The following RBFOX1 variants were observed in gnomAD, a reference collection of about 807,000 sequenced individuals.
The protein encoded by RBFOX1 is RNA binding fox-1 homolog 1, also known as RNA binding protein fox-1 homolog 1.
A neutral mutation model predicts 57.7 loss-of-function variants in RBFOX1; 8 were observed. The ratio of observed to expected loss-of-function variants is 0.14; its 90% CI spans 0.08 to 0.25. The LOEUF (loss-of-function observed/expected upper bound fraction) is 0.25, where lower values mean the gene tolerates loss of function less well. Ranked by LOEUF, RBFOX1 falls within the 10% of genes least tolerant of loss-of-function variation. The pLI is 1.00. For synonymous variants in RBFOX1, 326 were observed against 222.4 expected, an observed-to-expected ratio of 1.47 and a Z score of -4.15; for missense variants, 611 against 548.5, an observed-to-expected ratio of 1.11 and a Z score of -1.14.
intron 1 of RBFOX1, among the ~76,000 whole-genome samples, chr16:5,253,903 C>T (rs982005716): frequency 3.9e-5 from 6 of 152,210 alleles, no homozygotes; most frequent in African/African-American, 1.4e-4. Flanking sequence ...GTCACTACAT[C>T]CTCAGGGAAG....
chr16:6,598,799 A>G (rs917474871), intron 2 of RBFOX1, among the ~76,000 whole-genome samples: 2 of 152,034 alleles, frequency 1.3e-5, no homozygotes, highest in African/African-American at 4.8e-5. Context: ...TACAAAAATT[A>G]GCTGGGCATG....
intron 2 of RBFOX1, among the ~76,000 whole-genome samples, chr16:6,611,779 C>T (rs1044403905): frequency 8.5e-5 from 13 of 152,148 alleles, no homozygotes; most frequent in Admixed American, 8.5e-4. Flanking sequence ...TCTTCCCCTT[C>T]TCTCTCTGCT....
chr16:6,029,353 TATA>T (rs1751569543), intron 1 of RBFOX1, among the ~76,000 whole-genome samples: 1 of 152,242 alleles, frequency 6.6e-6, no homozygotes, highest in Non-Finnish European at 1.5e-5. Context: ...GGTGTCAGTT[TATA>T]ATGAGAAATA....
intron 1 of RBFOX1, among the ~76,000 whole-genome samples, chr16:6,267,506 T>C (rs1009670636): frequency 1.3e-5 from 2 of 152,148 alleles, no homozygotes; most frequent in East Asian, 1.9e-4. Context: ...TGGAATCCAG[T>C]TGATTCCTTT....
chr16:7,245,051 C>G (rs377132973), intron 4 of RBFOX1, among the ~76,000 whole-genome samples: 2 of 152,252 alleles, frequency 1.3e-5, no homozygotes, highest in African/African-American at 4.8e-5. Flanking sequence ...ACCAGACTTT[C>G]TGATTGTTTA....
intron 2 of RBFOX1, among the ~76,000 whole-genome samples, chr16:5,523,676 C>T (rs1327149421): frequency 6.6e-6 from 1 of 152,204 alleles, no homozygotes; most frequent in African/African-American, 2.4e-5. Flanking sequence ...ACACTGATTT[C>T]CTTTCCTTTG....
intron 1 of RBFOX1, among the ~76,000 whole-genome samples, chr16:5,336,491 C>T (rs2064898385): frequency 6.6e-6 from 1 of 152,144 alleles, no homozygotes; most frequent in Non-Finnish European, 1.5e-5. Flanking sequence ...GATCCTTCTC[C>T]AGGCTCAGAA....
At chr16:6,960,752 T>A (rs1568096124) in intron 3 of RBFOX1, among the ~76,000 whole-genome samples, 1 of 151,982 alleles carries the variant, frequency 6.6e-6, no homozygotes, top group Non-Finnish European at 1.5e-5. Flanking sequence ...GGTACAGAAC[T>A]CAGACTTTGA....
chr16:5,458,481 G>A (rs2068696099), intron 1 of RBFOX1, among the ~76,000 whole-genome samples: 1 of 152,116 alleles, frequency 6.6e-6, no homozygotes, highest in Admixed American at 6.6e-5. Context: ...CAATTTACAT[G>A]GATTATCTCA....
chr16:5,740,583 A>C (rs988787302), intron 3 of RBFOX1, among the ~76,000 whole-genome samples: 1 of 152,232 alleles, frequency 6.6e-6, no homozygotes, highest in African/African-American at 2.4e-5. Context: ...CAAGTCATGC[A>C]ACTGAAATAT....
intron 4 of RBFOX1, among the ~76,000 whole-genome samples, chr16:7,113,540 A>C (rs1318520919): frequency 3.9e-5 from 6 of 152,292 alleles, no homozygotes; most frequent in Non-Finnish European, 2.9e-5. Flanking sequence ...TTGTAACAGG[A>C]ATATATTATG....
At chr16:7,366,947 T>A (rs759761246) in intron 4 of RBFOX1, among the ~76,000 whole-genome samples, 2 of 152,202 alleles carry the variant, frequency 1.3e-5, no homozygotes, top group African/African-American at 4.8e-5. Flanking sequence ...CTTTTAAAAA[T>A]GAATTGAAAT....
intron 2 of RBFOX1, among the ~76,000 whole-genome samples, chr16:6,326,609 A>G (rs575363867): frequency 2.6e-5 from 4 of 152,276 alleles, no homozygotes; most frequent in African/African-American, 7.2e-5. Context: ...TACGCTTCAC[A>G]GGGACAGACT....
At chr16:7,279,479 G>T (rs1025896334) in intron 4 of RBFOX1, among the ~76,000 whole-genome samples, 1 of 152,196 alleles carries the variant, frequency 6.6e-6, no homozygotes, top group Admixed American at 6.5e-5. Context: ...AGGCCTGAGC[G>T]CAGCGTCCAG....
chr16:7,080,539 G>C (rs899997394), intron 4 of RBFOX1, among the ~76,000 whole-genome samples: 1 of 152,130 alleles, frequency 6.6e-6, no homozygotes, highest in African/African-American at 2.4e-5. Context: ...CACCATCCCT[G>C]TAGTCACTTA....
At chr16:6,113,213 C>T (rs368307017) in intron 1 of RBFOX1, among the ~76,000 whole-genome samples, 1 of 152,274 alleles carries the variant, frequency 6.6e-6, no homozygotes, top group Admixed American at 6.5e-5. Flanking sequence ...TGGACATTTT[C>T]TTCTCTTGGT....
Position 5,556,057 on chromosome 16 carries a change from C to T in RBFOX1, c.259-42845C>T, listed in dbSNP as rs567253045. ...CAAACAAACAAACAAAGACAAACAA[C>T]GACACCAAAAAACACCCTTTCCCTG... On this transcript the variant is annotated intron_variant, in intron 2 of 2. Coordinates refer to the RBFOX1 transcript ENST00000585867. Among the ~76,000 whole-genome samples the T allele has an allele frequency of 1.4e-4, 21 of 152,028 alleles. No individual in the cohort carries two copies. In the South Asian group the frequency reaches 1.9e-3, roughly 14 times the overall value.
chr16:5,271,845 C>T (rs1234604491), intron 1 of RBFOX1, among the ~76,000 whole-genome samples: 2 of 152,286 alleles, frequency 1.3e-5, no homozygotes, highest in East Asian at 3.9e-4. Flanking sequence ...TAAAATCATG[C>T]AGTATTTGTC....
At chr16:6,074,417 T>A (rs560334379) in intron 1 of RBFOX1, among the ~76,000 whole-genome samples, 1 of 152,360 alleles carries the variant, frequency 6.6e-6, no homozygotes, top group East Asian at 1.9e-4. Flanking sequence ...TCTTCAGTCA[T>A]GATCCATCCC....
Sources: gnomAD v4.1 joint callset for allele counts (sites outside exome capture counted in the v4.1 genomes callset) on GRCh38, gnomAD v4.1.1 for gene constraint, MANE v1.5 for transcripts, NCBI Gene and HGNC (gene_info 2026-07-23, HGNC 2026-07-21) for gene names.